DOCK10: variants seen among roughly 807,000 people sequenced by gnomAD.
DOCK10 encodes dedicator of cytokinesis 10.
A neutral mutation model predicts 280.1 loss-of-function variants in DOCK10; 145 were observed. The observed-to-expected ratio is 0.52, with a 90% confidence interval of 0.45 to 0.59. The LOEUF is 0.59. Ranked by LOEUF, DOCK10 falls within the 20% of genes least tolerant of loss-of-function variation. The pLI is 0.00. For synonymous variants in DOCK10, 915 were observed against 942.2 expected (o/e 0.97, Z 0.53); for missense variants, 2,368 against 2,651.7 (o/e 0.89, Z 2.35).
chr2:224,937,916 G>T (rs1282232906), intron 1 of DOCK10, among the ~76,000 whole-genome samples: 1 of 152,188 alleles, frequency 6.6e-6, no homozygotes, highest in African/African-American at 2.4e-5. Flanking sequence ...TACAAAGTGA[G>T]CTTGTCGGCA....
At chr2:224,848,955 T>A (rs545934617) in intron 19 of DOCK10, among the ~76,000 whole-genome samples, 1 of 152,234 alleles carries the variant, frequency 6.6e-6, no homozygotes, top group African/African-American at 2.4e-5. Context: ...ACTAAAAGCA[T>A]CTTTTTTTTA....
chr2:224,773,959 T>G (rs909459959), intron 52 of DOCK10, among the ~76,000 whole-genome samples: 8 of 152,194 alleles, frequency 5.3e-5, no homozygotes, highest in African/African-American at 1.9e-4. Context: ...ACTGAAAAGA[T>G]TAAAGCTTCC....
At chr2:224,955,868 A>G (rs1704007011) in intron 1 of DOCK10, among the ~76,000 whole-genome samples, 3 of 152,264 alleles carry the variant, frequency 2.0e-5, no homozygotes, top group Admixed American at 2.0e-4. Flanking sequence ...CAGAGAAACA[A>G]GAATTGGATA....
At chr2:224,847,099 G>A (rs1361140623) in intron 19 of DOCK10, among the ~76,000 whole-genome samples, 1 of 152,146 alleles carries the variant, frequency 6.6e-6, no homozygotes, top group South Asian at 2.1e-4. Flanking sequence ...TAATGCTTCT[G>A]AATGCAAATA....
intron 1 of DOCK10, among the ~76,000 whole-genome samples, chr2:224,989,017 G>A (rs1416456543): frequency 1.3e-5 from 2 of 152,218 alleles, no homozygotes; most frequent in Admixed American, 6.5e-5. Flanking sequence ...AGAGGAAAAT[G>A]AGGCCATTAC....
rs375179541 is a variant in DOCK10 at position 224,873,959 on chromosome 2, G to C, written c.1257+37C>G. On this transcript the variant is annotated intron_variant, in intron 11 of 55. Coordinates refer to ENST00000258390, the MANE Select transcript of DOCK10 (RefSeq NM_014689.3). ...TTTTGACTAGGGTGGTGTAATGTTGGCTTAATGGTATAGGATGTAACAGAG... is the reference window on the plus strand; with the variant it reads ...TTTTGACTAGGGTGGTGTAATGTTGCCTTAATGGTATAGGATGTAACAGAG... 5.1e-6 allele frequency: 8 copies of C among 1,577,072 alleles called. No homozygotes were observed. In the African/African-American group the frequency reaches 9.6e-5, roughly 19 times the overall value.
chr2:224,893,322 TA>T (rs892895414), intron 4 of DOCK10: 205 of 157,350 alleles, frequency 1.3e-3, no homozygotes, highest in African/African-American at 3.7e-3. Context: ...GCTCTTTTAT[TA>T]AAAAAAAAAC....
At chr2:225,037,589 A>G (rs888391768) in intron 1 of DOCK10, among the ~76,000 whole-genome samples, 5 of 152,194 alleles carry the variant, frequency 3.3e-5, no homozygotes, top group Non-Finnish European at 7.4e-5. Context: ...AACATGTTTA[A>G]CCCTATGAGT....
intron 1 of DOCK10, among the ~76,000 whole-genome samples, chr2:224,960,799 G>A (rs998063506): frequency 4.9e-5 from 7 of 142,236 alleles, no homozygotes; most frequent in Non-Finnish European, 7.5e-5. Flanking sequence ...GAGTGCAGTG[G>A]CGCTATCTCG....
intron 11 of DOCK10, among the ~76,000 whole-genome samples, chr2:224,871,666 T>G (rs962517259): frequency 3.3e-5 from 5 of 152,170 alleles, no homozygotes; most frequent in Admixed American, 6.6e-5. Context: ...AAAGCTTACC[T>G]GTCTTGGTGC....
chr2:224,845,409 C>T, intron 20 of DOCK10, 85 bp from the exon 21 acceptor site: 2 of 1,526,470 alleles, frequency 1.3e-6, no homozygotes, highest in Non-Finnish European at 1.8e-6. Context: ...TATTTACGAA[C>T]ACTAAATTTC....
At chr2:224,892,343 G>A (rs760764371) in intron 4 of DOCK10, among the ~76,000 whole-genome samples, 41 of 138,692 alleles carry the variant, frequency 3.0e-4, no homozygotes, top group Middle Eastern at 4.0e-3. Context: ...AGGTTGCGGT[G>A]AGCTGAGATT....
chr2:225,029,688 A>C (rs1399450060), intron 1 of DOCK10, among the ~76,000 whole-genome samples: 10 of 152,244 alleles, frequency 6.6e-5, no homozygotes, highest in Non-Finnish European at 1.2e-4. Context: ...TTAGCTCAAA[A>C]GTGTGTCAAA....
chr2:224,795,292 G>A (rs557786340), intron 44 of DOCK10, among the ~76,000 whole-genome samples, 198 bp from the exon 45 acceptor site: 1 of 152,302 alleles, frequency 6.6e-6, no homozygotes, highest in Non-Finnish European at 1.5e-5. Context: ...CATTTCAGGA[G>A]CCTCTATTCT....
At chr2:224,921,746 C>T (rs1447441995) in intron 2 of DOCK10, among the ~76,000 whole-genome samples, 1 of 152,026 alleles carries the variant, frequency 6.6e-6, no homozygotes, top group Non-Finnish European at 1.5e-5. Context: ...TGATGTATGC[C>T]CATAACGTGC....
rs200525476 is a variant in DOCK10, at chr2:224,909,277, C to T, written c.333+7418G>A. Among the ~76,000 whole-genome samples, 9 of 152,192 alleles carry T rather than the reference C, an allele frequency of 5.9e-5. No homozygotes were observed. In the East Asian group the frequency reaches 1.7e-3, roughly 29 times the overall value. On this transcript the variant is annotated intron_variant, in intron 3 of 55. Coordinates refer to ENST00000258390, the MANE Select transcript of DOCK10 (RefSeq NM_014689.3). ...CTTGTGGGAGTGGTGCTTGTTTTAT[C>T]ACGGAAGTGTTTAGATATTTTTTAT... is the stretch of plus-strand genomic sequence containing the variant.
chr2:224,895,439 T>C (rs1699923861), intron 4 of DOCK10, among the ~76,000 whole-genome samples: 1 of 152,188 alleles, frequency 6.6e-6, no homozygotes, highest in Non-Finnish European at 1.5e-5. Flanking sequence ...AACCAGTGAG[T>C]TGGGTAGAAC....
intron 1 of DOCK10, among the ~76,000 whole-genome samples, chr2:225,019,333 T>C (rs1367555708): frequency 6.6e-6 from 1 of 152,042 alleles, no homozygotes; most frequent in African/African-American, 2.4e-5. Context: ...CCCAACTAAA[T>C]ACATGGTCTG....
intron 1 of DOCK10, among the ~76,000 whole-genome samples, chr2:224,994,787 C>T (rs987462063): frequency 4.3e-4 from 66 of 152,222 alleles, no homozygotes; most frequent in African/African-American, 1.4e-3. Flanking sequence ...CACACACTTA[C>T]ACACACAATG....
Sources: allele counts gnomAD v4.1 joint callset (sites outside exome capture counted in the v4.1 genomes callset), GRCh38; gene constraint gnomAD v4.1.1; transcripts MANE v1.5; gene names NCBI Gene and HGNC (gene_info 2026-07-23, HGNC 2026-07-21).